RNASEH1: variants seen among roughly 807,000 people sequenced by gnomAD.
RNASEH1 encodes the protein ribonuclease H type II.
Under a neutral mutation model 34.6 loss-of-function variants are expected in RNASEH1, and 27 were observed. The ratio of observed to expected loss-of-function variants is 0.78; its 90% confidence interval spans 0.58 to 1.08. The LOEUF is 1.08. RNASEH1 is among the 50% of genes least tolerant of loss of function. RNASEH1 has a pLI of 0.00. For missense variants in RNASEH1, 349 were observed against 373.6 expected (o/e 0.93, Z 0.54); for synonymous variants, 162 against 138.4 (o/e 1.17, Z -1.20).
rs78423190 is a variant in RNASEH1 at position 3,541,754 on chromosome 2, G to A, written c.*4031C>T. ...ACCGGGGTGTGAAACTGCTGTTGGT[G>A]GTGATGGACATGTTCTGGCGACAGC... On this transcript the variant is annotated 3_prime_UTR_variant, in exon 8 of 8. Transcript: ENST00000315212. Among the ~76,000 whole-genome samples, 2,531 of 152,342 alleles carry A rather than the reference G, an allele frequency of 0.017. 42 individuals carry two copies. Among genetic ancestry groups the A allele is most frequent in the South Asian group, 0.061 (294 of 4,832 alleles).
chr2:3,548,153 G>A, intron 6 of RNASEH1, 98 bp from the exon 7 acceptor site: 4 of 1,431,048 alleles, frequency 2.8e-6, no homozygotes, highest in Non-Finnish European at 3.9e-6. Flanking sequence ...CTTGTATTCT[G>A]AGTCACCATC....
intron 4 of RNASEH1, 27 bp from the exon 5 acceptor site, chr2:3,549,139 T>G (rs540086161): frequency 4.5e-6 from 7 of 1,560,432 alleles, no homozygotes; most frequent in African/African-American, 4.1e-5. Context: ...CAAAAGAAAA[T>G]AAAAGTATAA....
At position 3,548,666 on chromosome 2, in the gene RNASEH1, T is replaced by C. The variant is rs1668987794; in HGVS notation, c.623A>G (p.Tyr208Cys). 2.5e-6 allele frequency: 4 copies of C among 1,610,352 alleles called. No individual in the cohort carries two copies. The highest frequency in any genetic ancestry group is 1.7e-5 in the Admixed American group (1 of 59,940). The change falls in exon 6 of 8, where the codon TAT (tyrosine) becomes TGT (cysteine). Residue 208 changes from tyrosine to cysteine, a missense_variant. Tyr to Cys is a radical substitution (Grantham distance 194, BLOSUM62 -2). Transcript: ENST00000315212. ...KTQNINKLVL[Y>C]TDSMFTINGI... ...ATTTATCGTAAACATACTGTCTGTA[T>C]ACAGAACCAGTTTATTGATGTTTTG...
chr2:3,550,555 G>C, intron 3 of RNASEH1, 83 bp from the exon 4 acceptor site: 2 of 1,038,914 alleles, frequency 1.9e-6, no homozygotes, highest in Non-Finnish European at 3.0e-6. Flanking sequence ...GGTCGACTTA[G>C]CATTTTAAAC....
chr2:3,538,763 G>A (rs1668131552), downstream of RNASEH1, among the ~76,000 whole-genome samples: 1 of 152,170 alleles, frequency 6.6e-6, no homozygotes, highest in Non-Finnish European at 1.5e-5. Context: ...GGGGACTGGT[G>A]GATTAAACAT....
intron 2 of RNASEH1, among the ~76,000 whole-genome samples, chr2:3,554,117 T>C (rs1467890486): frequency 1.3e-5 from 2 of 151,940 alleles, no homozygotes; most frequent in East Asian, 3.9e-4. Flanking sequence ...AACCCACACC[T>C]CTCGGAACCC....
the RNASEH1 span, among the ~76,000 whole-genome samples, chr2:3,534,510 G>A: frequency 5.3e-5 from 8 of 152,354 alleles, no homozygotes; most frequent in East Asian, 3.9e-4. Flanking sequence ...GGGGCTCTGC[G>A]GTTCCTGGTG....
chr2:3,547,902 C>A (rs755307264), intron 7 of RNASEH1, 29 bp downstream of exon 7: 1 of 1,611,450 alleles, frequency 6.2e-7, no homozygotes, highest in South Asian at 1.1e-5. Flanking sequence ...TCATAATGGC[C>A]ATAGGACATG....
chr2:3,538,836 G>A (rs116503423), downstream of RNASEH1, among the ~76,000 whole-genome samples: 2,925 of 152,266 alleles, frequency 0.019, 40 homozygotes, highest in Non-Finnish European at 0.03. Context: ...GTGCCCATCC[G>A]CACTCAGCAC....
chr2:3,556,035 G>T lies in RNASEH1; in HGVS notation c.244+754C>A, dbSNP rs1247941644. On this transcript the variant is annotated intron_variant, in intron 2 of 7. Coordinates refer to ENST00000315212, the MANE Select transcript of RNASEH1 (RefSeq NM_002936.6). ...AAAAAAATACAAAAATTAGCCGGGC[G>T]TGGTGGCACGCACCTGTAATCCCAG... Among the ~76,000 whole-genome samples the T allele has an allele frequency of 3.3e-5, 5 of 152,138 alleles. No homozygotes were observed. The South Asian group carries it at 8.3e-4, about 25-fold the overall frequency.
At chr2:3,540,698 C>T (rs1263366130), downstream of RNASEH1, among the ~76,000 whole-genome samples, 3 of 152,176 alleles carry the variant, frequency 2.0e-5, no homozygotes, top group East Asian at 1.9e-4. Context: ...TGAGCCACTG[C>T]GCCCAGCCAA....
chr2:3,558,122 G>A lies in RNASEH1; in HGVS notation c.128+11C>T, dbSNP rs749536507. On this transcript the variant is annotated intron_variant, in intron 1 of 7. Transcript: ENST00000315212. ...CCGGCAGGGAGGCGCCTCGGCGGGC[G>A]GGCCACTCACCAGGTCAGAAAGACC... The A allele has an allele frequency of 2.5e-6, 4 of 1,583,880 alleles. No homozygotes were observed. The highest frequency in any genetic ancestry group is 3.4e-6 in the Non-Finnish European group (4 of 1,168,124).
intron 3 of RNASEH1, among the ~76,000 whole-genome samples, 168 bp from the exon 4 acceptor site, chr2:3,550,640 T>C (rs1277041571): frequency 6.6e-6 from 1 of 152,254 alleles, no homozygotes; most frequent in East Asian, 1.9e-4. Context: ...AGGGGGCACC[T>C]AACATTTATG....
At chr2:3,535,699 G>C in the RNASEH1 span, among the ~76,000 whole-genome samples, 1 of 152,102 alleles carries the variant, frequency 6.6e-6, no homozygotes, top group African/African-American at 2.4e-5. Flanking sequence ...ATTCTGAGAG[G>C]GACAAGGAAG....
intron 2 of RNASEH1, among the ~76,000 whole-genome samples, chr2:3,554,042 G>A (rs906144968): frequency 2.0e-5 from 3 of 152,126 alleles, no homozygotes; most frequent in African/African-American, 7.2e-5. Flanking sequence ...GAGAAATGGG[G>A]CACGAACATC....
intron 6 of RNASEH1, 143 bp from the exon 7 acceptor site, chr2:3,548,198 C>T: frequency 1.1e-6 from 1 of 918,520 alleles, no homozygotes; most frequent in Non-Finnish European, 1.7e-6. Context: ...GCCTTAGTTG[C>T]TTTGGCCTTT....
chr2:3,541,115 T>TC (rs762220704), downstream of RNASEH1, among the ~76,000 whole-genome samples: 33 of 151,450 alleles, frequency 2.2e-4, no homozygotes, highest in Non-Finnish European at 4.6e-4. Context: ...GATCACGAGG[T>TC]CAGGAGATTG....
chr2:3,538,632 G>A (rs552521620), downstream of RNASEH1, among the ~76,000 whole-genome samples: 109 of 152,206 alleles, frequency 7.2e-4, no homozygotes, highest in Non-Finnish European at 1.3e-3. Flanking sequence ...TCACTCTAAC[G>A]CTGTTTATTC....
downstream of RNASEH1, among the ~76,000 whole-genome samples, chr2:3,538,367 A>AT (rs1558440371): frequency 6.6e-6 from 1 of 150,602 alleles, no homozygotes; most frequent in African/African-American, 2.4e-5. Context: ...AAATATATAT[A>AT]ATATATATAT....
Sources: allele counts gnomAD v4.1 joint callset (sites outside exome capture counted in the v4.1 genomes callset), GRCh38; gene constraint gnomAD v4.1.1; transcripts MANE v1.5; gene names NCBI Gene and HGNC (gene_info 2026-07-23, HGNC 2026-07-21).